The following WDFY2 variants were observed in gnomAD, a reference collection of about 807,000 sequenced individuals.
WDFY2 encodes WD repeat and FYVE domain containing 2, also known as WD repeat and FYVE domain-containing protein 2.
Under a neutral mutation model 56.4 loss-of-function variants are expected in WDFY2, and 36 were observed. The ratio of observed to expected loss-of-function variants is 0.64; its 90% CI spans 0.49 to 0.84. The LOEUF (loss-of-function observed/expected upper bound fraction) is 0.84, where lower values mean the gene tolerates loss of function less well. Ranked by LOEUF, WDFY2 falls within the 40% of genes least tolerant of loss-of-function variation. The probability of loss-of-function intolerance (pLI) is 0.00; values close to 1 mark genes in which losing one functional copy is unlikely to be tolerated. For missense variants in WDFY2, 444 were observed against 512.2 expected (o/e 0.87, Z 1.29); for synonymous variants, 176 against 183.7 (o/e 0.96, Z 0.34).
chr13:51,659,709 C>G (rs1166805799), intron 1 of WDFY2, among the ~76,000 whole-genome samples: 20 of 152,188 alleles, frequency 1.3e-4, no homozygotes, highest in Admixed American at 1.3e-3. Context: ...CATGCACAGC[C>G]TTTGCTGCAG....
At chr13:51,689,855 A>G (rs578078321) in intron 3 of WDFY2, among the ~76,000 whole-genome samples, 1 of 152,308 alleles carries the variant, frequency 6.6e-6, no homozygotes, top group South Asian at 2.1e-4. Flanking sequence ...CAAGTCAGTC[A>G]CTGAAACCAG....
chr13:51,644,203 A>G (rs1329160530), intron 1 of WDFY2, among the ~76,000 whole-genome samples: 1 of 152,216 alleles, frequency 6.6e-6, no homozygotes, highest in Non-Finnish European at 1.5e-5. Context: ...TTACTAAAAA[A>G]ACAAAAGCCA....
At chr13:51,692,775 G>A (rs1951772395) in intron 3 of WDFY2, among the ~76,000 whole-genome samples, 1 of 152,174 alleles carries the variant, frequency 6.6e-6, no homozygotes. Context: ...AGTGGTACCA[G>A]TTCCTCCTTG....
chr13:51,744,638 A>T (rs1465821144), intron 7 of WDFY2, among the ~76,000 whole-genome samples: 6 of 152,198 alleles, frequency 3.9e-5, no homozygotes, highest in Non-Finnish European at 8.8e-5. Context: ...AGGCCATCCC[A>T]CTAACTGTAG....
In WDFY2 at chr13:51,588,053, A is replaced by G. The variant is rs574178282; in HGVS notation, c.137+3229A>G. On this transcript the variant is annotated intron_variant, in intron 1 of 11. Transcript: ENST00000298125. ...TAAAGATTTCTGGTGCTACCATAAT[A>G]CAGAGCCTGTTTCAGGAACTCCCCA... 5 of 152,388 alleles carry G rather than the reference A, an allele frequency of 3.3e-5. No homozygotes were observed. In the South Asian group the frequency reaches 1.0e-3, roughly 32 times the overall value. The allele number at this position is 152,388 out of a possible 1,614,324, so 9.4% of individuals were successfully genotyped here.
At chr13:51,636,623 A>C (rs1955059063) in intron 1 of WDFY2, among the ~76,000 whole-genome samples, 1 of 152,210 alleles carries the variant, frequency 6.6e-6, no homozygotes, top group Non-Finnish European at 1.5e-5. Flanking sequence ...CAGGGGAAAG[A>C]AAACAAGGCA....
chr13:51,654,488 C>T (rs1407025002), intron 1 of WDFY2, among the ~76,000 whole-genome samples: 3 of 152,158 alleles, frequency 2.0e-5, no homozygotes, highest in Non-Finnish European at 1.5e-5. Flanking sequence ...TCGCCTTCTG[C>T]GTCGCTCACG....
At chr13:51,661,743 T>A (rs1328979172) in intron 2 of WDFY2, among the ~76,000 whole-genome samples, 1 of 152,224 alleles carries the variant, frequency 6.6e-6, no homozygotes, top group Non-Finnish European at 1.5e-5. Flanking sequence ...AAATAGACGA[T>A]AATAACCAAG....
At chr13:51,672,485 C>T (rs777857931) in intron 2 of WDFY2, among the ~76,000 whole-genome samples, 5 of 152,024 alleles carry the variant, frequency 3.3e-5, no homozygotes, top group Non-Finnish European at 4.4e-5. Context: ...AATGTGATTC[C>T]TCCAGATTTG....
At chr13:51,688,538 T>C (rs569503887) in intron 3 of WDFY2, among the ~76,000 whole-genome samples, 55 of 152,248 alleles carry the variant, frequency 3.6e-4, no homozygotes, top group Non-Finnish European at 7.4e-4. Context: ...CTGAGACTTT[T>C]TCCTTAGTAT....
intron 5 of WDFY2, among the ~76,000 whole-genome samples, chr13:51,721,004 C>T (rs772602856): frequency 2.0e-5 from 3 of 152,070 alleles, no homozygotes; most frequent in Non-Finnish European, 4.4e-5. Flanking sequence ...CACACACTGT[C>T]ACTATGCGTG....
chr13:51,652,433 T>C (rs1248417974), intron 1 of WDFY2, among the ~76,000 whole-genome samples: 1 of 152,210 alleles, frequency 6.6e-6, no homozygotes, highest in Non-Finnish European at 1.5e-5. Flanking sequence ...ATGTGTGAAT[T>C]TGATCCTGTC....
chr13:51,629,999 A>G (rs114883493), intron 1 of WDFY2, among the ~76,000 whole-genome samples: 153 of 152,146 alleles, frequency 1.0e-3, no homozygotes, highest in African/African-American at 3.6e-3. Context: ...TGATCTTAGT[A>G]TAGTTAAAAT....
chr13:51,598,249 A>C (rs887806800), intron 1 of WDFY2, among the ~76,000 whole-genome samples: 6 of 151,930 alleles, frequency 3.9e-5, no homozygotes, highest in African/African-American at 1.5e-4. Context: ...AATCCCAGCT[A>C]CTCGGGGGCT....
At chr13:51,599,915 A>G (rs1446262211) in intron 1 of WDFY2, among the ~76,000 whole-genome samples, 2 of 151,944 alleles carry the variant, frequency 1.3e-5, no homozygotes, top group Non-Finnish European at 2.9e-5. Flanking sequence ...AAACAAAACA[A>G]AAAAACCAAA....
intron 6 of WDFY2, among the ~76,000 whole-genome samples, chr13:51,730,459 T>C (rs1171223145): frequency 6.6e-6 from 1 of 152,200 alleles, no homozygotes; most frequent in African/African-American, 2.4e-5. Context: ...CTGGATCCCC[T>C]TCTCTTTACG....
At chr13:51,749,595 A>C (rs1315257635) in intron 7 of WDFY2, among the ~76,000 whole-genome samples, 1 of 152,164 alleles carries the variant, frequency 6.6e-6, no homozygotes, top group Non-Finnish European at 1.5e-5. Flanking sequence ...TAGTGACATA[A>C]GGCACTTTTA....
intron 1 of WDFY2, among the ~76,000 whole-genome samples, chr13:51,660,272 C>T (rs1955586067): frequency 6.6e-6 from 1 of 151,930 alleles, no homozygotes; most frequent in African/African-American, 2.4e-5. Flanking sequence ...TCTTGACTCA[C>T]TGCAACCTCT....
rs79214803 is a variant in WDFY2 at position 51,595,054 on chromosome 13, T to C, written c.137+10230T>C. Among the ~76,000 whole-genome samples, 824 of 152,314 alleles carry C rather than the reference T, an allele frequency of 5.4e-3. 6 individuals are homozygous for C. The highest frequency in any genetic ancestry group is 0.019 in the African/African-American group (770 of 41,562). On this transcript the variant is annotated intron_variant, in intron 1 of 11. Coordinates refer to ENST00000298125, the MANE Select transcript of WDFY2 (RefSeq NM_052950.4). ...TAGAAGGGCGAGGTTAACTCTGTCA[T>C]CTTTATACCACCACTTTCCAAATTT...
Sources: gnomAD v4.1 joint callset for allele counts (sites outside exome capture counted in the v4.1 genomes callset) on GRCh38, gnomAD v4.1.1 for gene constraint, MANE v1.5 for transcripts, NCBI Gene and HGNC (gene_info 2026-07-23, HGNC 2026-07-21) for gene names.